Variants in ROBO1 observed in about 807,000 individuals in gnomAD.
ROBO1 encodes the protein roundabout homolog 1.
A neutral mutation model predicts 195.9 loss-of-function variants in ROBO1; 149 were observed. The ratio of observed to expected loss-of-function variants is 0.76; its 90% CI spans 0.67 to 0.87. The LOEUF is 0.87. ROBO1 is among the 40% of genes least tolerant of loss of function. ROBO1 has a pLI of 0.00. For missense variants in ROBO1, 1,933 were observed against 2,068.3 expected (o/e 0.93, Z 1.27); for synonymous variants, 816 against 733.2 (o/e 1.11, Z -1.82).
intron 4 of ROBO1, among the ~76,000 whole-genome samples, chr3:78,885,020 C>A (rs977244500): frequency 2.0e-5 from 3 of 151,994 alleles, no homozygotes; most frequent in Admixed American, 6.6e-5. Flanking sequence ...ATGAAATAAT[C>A]TTCACAAAGA....
chr3:79,034,682 A>C (rs1258970696), intron 3 of ROBO1, among the ~76,000 whole-genome samples: 2 of 152,172 alleles, frequency 1.3e-5, no homozygotes, highest in Non-Finnish European at 2.9e-5. Flanking sequence ...ATTAAAAATA[A>C]TAACTGGGAG....
chr3:79,613,939 G>A (rs1436853966), intron 1 of ROBO1, among the ~76,000 whole-genome samples: 1 of 151,898 alleles, frequency 6.6e-6, no homozygotes, highest in Non-Finnish European at 1.5e-5. Flanking sequence ...AAATGTAAAA[G>A]CAATAAGACA....
intron 3 of ROBO1, among the ~76,000 whole-genome samples, chr3:79,121,119 A>G (rs1483081434): frequency 6.6e-6 from 1 of 152,150 alleles, no homozygotes; most frequent in Non-Finnish European, 1.5e-5. Flanking sequence ...GCACTGTCTT[A>G]GAGGGTTGTT....
At chr3:79,438,430 A>C (rs1184614246) in intron 2 of ROBO1, among the ~76,000 whole-genome samples, 1 of 152,018 alleles carries the variant, frequency 6.6e-6, no homozygotes, top group Admixed American at 6.6e-5. Flanking sequence ...TAATATTAAG[A>C]TGTACTATTC....
chr3:79,081,162 A>AT (rs1553678393), intron 3 of ROBO1, among the ~76,000 whole-genome samples: 1 of 151,240 alleles, frequency 6.6e-6, no homozygotes, highest in African/African-American at 2.4e-5. Context: ...TAAATGACAC[A>AT]TTTTTTTCCG....
At chr3:79,151,922 A>G in intron 2 of ROBO1, among the ~76,000 whole-genome samples, 1 of 151,848 alleles carries the variant, frequency 6.6e-6, no homozygotes, top group South Asian at 2.1e-4. Context: ...ATCTGATTCC[A>G]TCTAATGATG....
chr3:79,102,833 A>G (rs1041873416), intron 3 of ROBO1, among the ~76,000 whole-genome samples: 3 of 151,782 alleles, frequency 2.0e-5, no homozygotes, highest in Non-Finnish European at 4.4e-5. Context: ...ATTATTTATG[A>G]TGGTCATTAT....
intron 1 of ROBO1, among the ~76,000 whole-genome samples, chr3:79,616,045 C>T (rs74942633): frequency 0.016 from 2,505 of 152,276 alleles, 37 homozygotes; most frequent in Non-Finnish European, 0.028. Context: ...TCCCCCAAAC[C>T]TATGGTGGCT....
intron 2 of ROBO1, among the ~76,000 whole-genome samples, chr3:79,495,909 A>G (rs180911127): frequency 1.4e-4 from 22 of 152,188 alleles, no homozygotes; most frequent in African/African-American, 5.3e-4. Context: ...GGAAATAGGA[A>G]TGTTAAAAAA....
intron 10 of ROBO1, among the ~76,000 whole-genome samples, chr3:78,678,601 T>A (rs1393860942): frequency 6.6e-6 from 1 of 152,064 alleles, no homozygotes; most frequent in Non-Finnish European, 1.5e-5. Context: ...CCTCGACACA[T>A]ACACTCTCCC....
intron 3 of ROBO1, among the ~76,000 whole-genome samples, chr3:79,063,608 G>T (rs552403181): frequency 3.3e-5 from 5 of 151,150 alleles, no homozygotes; most frequent in Non-Finnish European, 7.4e-5. Flanking sequence ...CCTGGCCTTT[G>T]GTACAGTGGA....
chr3:78,672,749 A>T (rs1356211602), intron 10 of ROBO1, among the ~76,000 whole-genome samples: 3 of 152,244 alleles, frequency 2.0e-5, no homozygotes, highest in African/African-American at 4.8e-5. Flanking sequence ...TACTGCATTT[A>T]TGAGTCAAAT....
chr3:79,351,544 A>G (rs1363964676), intron 2 of ROBO1, among the ~76,000 whole-genome samples: 1 of 152,126 alleles, frequency 6.6e-6, no homozygotes, highest in Non-Finnish European at 1.5e-5. Flanking sequence ...TATTTTTACA[A>G]AATCAAATAT....
intron 1 of ROBO1, among the ~76,000 whole-genome samples, chr3:79,599,725 A>C (rs534030219): frequency 6.6e-5 from 10 of 152,118 alleles, no homozygotes; most frequent in Non-Finnish European, 1.3e-4. Context: ...AAGACAGAAA[A>C]ACGGGGATAT....
At chr3:79,628,452 AGAG>A (rs1018825395) in intron 1 of ROBO1, among the ~76,000 whole-genome samples, 22 of 152,066 alleles carry the variant, frequency 1.4e-4, no homozygotes, top group African/African-American at 4.8e-4. Flanking sequence ...AAGGACACAG[AGAG>A]GAGAACGACA....
chr3:79,367,178 C>T (rs1197852793), intron 2 of ROBO1, among the ~76,000 whole-genome samples: 2 of 152,144 alleles, frequency 1.3e-5, no homozygotes, highest in African/African-American at 4.8e-5. Context: ...AAACATCTTA[C>T]ATGCAGGAAG....
intron 3 of ROBO1, chr3:79,019,266 G>T: frequency 1.0e-6 from 1 of 985,840 alleles, no homozygotes; most frequent in South Asian, 4.7e-5. Context: ...AAACTTCCTG[G>T]GGGCAGCTGC....
chr3:79,695,250 T>C (rs1373335011), intron 1 of ROBO1, among the ~76,000 whole-genome samples: 1 of 151,600 alleles, frequency 6.6e-6, no homozygotes, highest in African/African-American at 2.4e-5. Context: ...ACAAGCTTTT[T>C]AATTATATTG....
chr3:79,192,650 C>A (rs116737810), intron 2 of ROBO1, among the ~76,000 whole-genome samples: 2,816 of 151,608 alleles, frequency 0.019, 85 homozygotes, highest in African/African-American at 0.063. Flanking sequence ...GACAAATCTT[C>A]TCATGTTGAA....
Sources: allele counts gnomAD v4.1 joint callset (sites outside exome capture counted in the v4.1 genomes callset), GRCh38; gene constraint gnomAD v4.1.1; transcripts MANE v1.5; gene names NCBI Gene and HGNC (gene_info 2026-07-23, HGNC 2026-07-21).